PEAK1: variants seen among roughly 807,000 people sequenced by gnomAD.
The protein encoded by PEAK1 is pseudopodium enriched atypical kinase 1.
PEAK1 carries 54 observed loss-of-function variants against 124.7 expected under a neutral mutation model. The ratio of observed to expected loss-of-function variants is 0.43; its 90% CI spans 0.35 to 0.54. PEAK1 has a LOEUF of 0.54. PEAK1 is among the 20% of genes least tolerant of loss of function. PEAK1 has a pLI of 0.01. For missense variants in PEAK1, 2,046 were observed against 2,134.5 expected (o/e 0.96, Z 0.82); for synonymous variants, 719 against 760.0 (o/e 0.95, Z 0.89).
chr15:77,406,017 G>T (rs931861895), intron 1 of PEAK1, among the ~76,000 whole-genome samples: 21 of 152,288 alleles, frequency 1.4e-4, no homozygotes, highest in African/African-American at 4.8e-4. Context: ...TATGGGAAGA[G>T]ATATATAAGA....
intron 1 of PEAK1, among the ~76,000 whole-genome samples, chr15:77,413,083 A>G (rs1022109249): frequency 5.3e-5 from 8 of 152,224 alleles, no homozygotes; most frequent in African/African-American, 1.9e-4. Flanking sequence ...AATGAGGAAA[A>G]TTTAAAAAAG....
At chr15:77,408,116 C>A (rs748932614) in intron 1 of PEAK1, among the ~76,000 whole-genome samples, 1 of 146,976 alleles carries the variant, frequency 6.8e-6, no homozygotes, top group East Asian at 2.0e-4. Context: ...CATATATACA[C>A]ATATATACAT....
At chr15:77,151,274 C>A (rs1179731712) in intron 8 of PEAK1, among the ~76,000 whole-genome samples, 1 of 151,784 alleles carries the variant, frequency 6.6e-6, no homozygotes, top group South Asian at 2.1e-4. Flanking sequence ...TGATGATGAG[C>A]ATTTTTTCAT....
At chr15:77,419,080 T>C in intron 1 of PEAK1, 2 of 985,420 alleles carry the variant, frequency 2.0e-6, no homozygotes, top group Non-Finnish European at 2.4e-6. Context: ...TTCCTCTAAC[T>C]CATCACTACC....
chr15:77,408,060 G>GATACACATATATACATAT (rs199896539), intron 1 of PEAK1, among the ~76,000 whole-genome samples: 15 of 147,858 alleles, frequency 1.0e-4, no homozygotes, highest in African/African-American at 3.5e-4. Flanking sequence ...TACATGCATA[G>GATACACATATATACATAT]ATACACATAT....
intron 7 of PEAK1, chr15:77,177,691 T>C (rs2056967996): frequency 1.3e-5 from 2 of 152,062 alleles, no homozygotes; most frequent in Middle Eastern, 6.3e-3. Context: ...TCAGGGCATA[T>C]CTTTAAGAAT....
intron 6 of PEAK1, chr15:77,239,879 G>A (rs1245615543): frequency 1.0e-6 from 1 of 981,852 alleles, no homozygotes; most frequent in Non-Finnish European, 1.2e-6. Flanking sequence ...CCAAATTTGA[G>A]AGAGTAAAAT....
At chr15:77,348,079 G>C in intron 2 of PEAK1, 1 of 983,846 alleles carries the variant, frequency 1.0e-6, no homozygotes, top group Non-Finnish European at 1.2e-6. Flanking sequence ...ATTTTGGTCA[G>C]ACATTATTCA....
chr15:77,141,958 A>T (rs1322024845), intron 8 of PEAK1, among the ~76,000 whole-genome samples: 1 of 152,204 alleles, frequency 6.6e-6, no homozygotes, highest in African/African-American at 2.4e-5. Flanking sequence ...TGATACCTAA[A>T]GTATAAGTAA....
At chr15:77,152,138 T>C (rs1335566870) in intron 8 of PEAK1, among the ~76,000 whole-genome samples, 1 of 152,212 alleles carries the variant, frequency 6.6e-6, no homozygotes, top group Non-Finnish European at 1.5e-5. Flanking sequence ...TGTTCTTCCA[T>C]TTGTTTGTAT....
At chr15:77,388,699 A>C (rs1474613742) in intron 1 of PEAK1, among the ~76,000 whole-genome samples, 2 of 151,914 alleles carry the variant, frequency 1.3e-5, no homozygotes, top group African/African-American at 4.8e-5. Flanking sequence ...AAATATACAT[A>C]ATGTTTCTAT....
intron 5 of PEAK1, among the ~76,000 whole-genome samples, chr15:77,282,663 C>T (rs887191124): frequency 1.7e-4 from 26 of 152,088 alleles, no homozygotes; most frequent in African/African-American, 6.3e-4. Context: ...AATTCCAAAC[C>T]CTCAGTTAAA....
At chr15:77,411,120 T>C (rs2072374630) in intron 1 of PEAK1, among the ~76,000 whole-genome samples, 1 of 151,586 alleles carries the variant, frequency 6.6e-6, no homozygotes, top group Non-Finnish European at 1.5e-5. Flanking sequence ...TAAATGTGAA[T>C]GTCTAAGACC....
In PEAK1 at chr15:77,419,266, C is replaced by A. The variant is rs1198477593; in HGVS notation, c.-666+740G>T. 3.0e-6 allele frequency: 3 copies of A among 985,218 alleles called. No individual in the cohort carries two copies. The East Asian group carries it at 3.4e-4, about 112-fold the overall frequency. The allele number at this position is 985,218 out of a possible 1,614,324, so 61.0% of individuals were successfully genotyped here. A position where few individuals can be genotyped will look rare whatever the true frequency, so the allele number is the denominator to read the frequency against. ...TTAACGTAGCCAAAGGAGGAAAAAA[C>A]GAAATCAAGCTCCCAGACGGATGGT... is the stretch of plus-strand genomic sequence containing the variant. On this transcript the variant is annotated intron_variant, in intron 1 of 9. Coordinates refer to ENST00000682557, the MANE Select transcript of PEAK1 (RefSeq NM_001385026.1).
At chr15:77,275,687 G>A (rs936919854) in intron 5 of PEAK1, among the ~76,000 whole-genome samples, 11 of 151,464 alleles carry the variant, frequency 7.3e-5, no homozygotes, top group East Asian at 1.9e-4. Context: ...CAGCCTGGGC[G>A]ACACAGTGAG....
intron 1 of PEAK1, among the ~76,000 whole-genome samples, chr15:77,411,861 C>T (rs1250565348): frequency 1.3e-5 from 2 of 152,132 alleles, no homozygotes; most frequent in Admixed American, 6.5e-5. Flanking sequence ...ATCCTCCCGC[C>T]TCATCCTCCA....
intron 5 of PEAK1, among the ~76,000 whole-genome samples, chr15:77,258,728 G>A (rs575868371): frequency 6.6e-6 from 1 of 152,046 alleles, no homozygotes; most frequent in African/African-American, 2.4e-5. Context: ...TCCTTCTCCT[G>A]CCTGATTGCC....
intron 5 of PEAK1, among the ~76,000 whole-genome samples, chr15:77,274,111 A>G (rs977792363): frequency 6.6e-6 from 1 of 152,212 alleles, no homozygotes; most frequent in Non-Finnish European, 1.5e-5. Context: ...CTCTCACCTT[A>G]TACAAAAATC....
intron 2 of PEAK1, chr15:77,334,098 AT>A: frequency 1.2e-6 from 1 of 863,534 alleles, no homozygotes; most frequent in Non-Finnish European, 1.4e-6. Flanking sequence ...TTAAAAAATA[AT>A]TTGTACTTGT....
Sources: gnomAD v4.1 joint callset for allele counts (sites outside exome capture counted in the v4.1 genomes callset) on GRCh38, gnomAD v4.1.1 for gene constraint, MANE v1.5 for transcripts, NCBI Gene and HGNC (gene_info 2026-07-23, HGNC 2026-07-21) for gene names.